The following SGSM2 variants were observed in gnomAD, a reference collection of about 807,000 sequenced individuals.
The protein encoded by SGSM2 is RUN and TBC1 domain containing 1.
SGSM2 carries 89 observed loss-of-function variants against 126.6 expected under a neutral mutation model. The ratio of observed to expected loss-of-function variants is 0.70; its 90% CI spans 0.59 to 0.84. The LOEUF (loss-of-function observed/expected upper bound fraction) is 0.84, where lower values mean the gene tolerates loss of function less well. Ranked by LOEUF, SGSM2 falls within the 40% of genes least tolerant of loss-of-function variation. The pLI is 0.00. For synonymous variants in SGSM2, 614 were observed against 574.3 expected, an observed-to-expected ratio of 1.07 and a Z score of -0.99; for missense variants, 1,404 against 1,416.6, an observed-to-expected ratio of 0.99 and a Z score of 0.14.
At chr17:2,340,874 A>G (rs140941338) in intron 1 of SGSM2, among the ~76,000 whole-genome samples, 3,051 of 152,204 alleles carry the variant, frequency 0.02, 46 homozygotes, top group Non-Finnish European at 0.03. Context: ...GTGAGCCACC[A>G]CGCCTGGCCC....
At position 2,362,055 on chromosome 17, in the gene SGSM2, T is replaced by C. The variant is rs2065332136; in HGVS notation, c.297-54T>C. On this transcript the variant is annotated intron_variant, in intron 3 of 23. Coordinates refer to ENST00000268989, the MANE Select transcript of SGSM2 (RefSeq NM_014853.3). The surrounding 1 kb of genome is among the most constrained non-coding windows in gnomAD (Gnocchi z 4.9). ...CAAGCCCCACTCCCAATGCCAGCAT[T>C]CTGGGGTTTACCCCTAGACCACTGC... is the stretch of plus-strand genomic sequence containing the variant. The C allele has an allele frequency of 6.4e-7, 1 of 1,561,466 alleles. No homozygotes were observed.
chr17:2,347,636 T>G (rs1296237598), intron 2 of SGSM2, among the ~76,000 whole-genome samples: 1 of 151,698 alleles, frequency 6.6e-6, no homozygotes, highest in Admixed American at 6.6e-5. Context: ...AAGGTGCTTT[T>G]GTTTTTTCTT....
rs1237290976 is a variant in SGSM2 at position 2,362,930 on chromosome 17, T to G, written c.526+25T>G. The G allele has an allele frequency of 1.2e-5, 19 of 1,614,104 alleles. No homozygotes were observed. Among genetic ancestry groups the G allele is most frequent in the Non-Finnish European group, 1.6e-5 (19 of 1,180,010 alleles). On this transcript the variant is annotated intron_variant, in intron 5 of 23. Transcript: ENST00000268989. The surrounding 1 kb of genome is among the most constrained non-coding windows in gnomAD (Gnocchi z 4.9). ...GGTGAGCCTGAGAGCACAGGCACAG[T>G]GGGTACGGGGCAGGTGCTGAGGGAG...
Position 2,338,774 on chromosome 17 carries a change from A to AATATATATATATATATATATATATATAT in SGSM2, c.57+1044_57+1045insTATATATATATATATATATATATATATA, listed in dbSNP as rs148031213. ...CCTTGAGTCTCTATGCCGTCTCCCTAATATATATATATATAACCTCACGCC... is the reference window on the plus strand; with the variant it reads ...CCTTGAGTCTCTATGCCGTCTCCCTAATATATATATATATATATATATATATATATATATATATATATAACCTCACGCC... On this transcript the variant is annotated intron_variant, in intron 1 of 23. Coordinates refer to ENST00000268989, the MANE Select transcript of SGSM2 (RefSeq NM_014853.3). Among the ~76,000 whole-genome samples the AATATATATATATATATATATATATATAT allele has an allele frequency of 2.9e-3, 392 of 133,762 alleles. 13 individuals carry two copies. The highest frequency in any genetic ancestry group is 7.8e-3 in the East Asian group (21 of 2,692). The allele number at this position is 133,762 out of a possible 152,430, so 87.8% of individuals were successfully genotyped here. A position where few individuals can be genotyped will look rare whatever the true frequency, so the allele number is the denominator to read the frequency against.
Position 2,364,139 on chromosome 17 carries a change from C to T in SGSM2, c.888C>T (p.Asn296=), listed in dbSNP as rs141515063. 2.5e-6 allele frequency: 4 copies of T among 1,613,982 alleles called. No homozygotes were observed. Among genetic ancestry groups the T allele is most frequent in the East Asian group, 4.5e-5 (2 of 44,876 alleles). ...AESLTLKWTP[N]QLMNGTLGDS... ...GCCTGACTCTGAAGTGGACCCCCAA[C>T]CAGCTCATGAATGGGACTCTGGGGG... The change falls in exon 8 of 24, where the codon AAC becomes AAT. Residue 296 remains asparagine, a synonymous_variant. Coordinates refer to ENST00000268989, the MANE Select transcript of SGSM2 (RefSeq NM_014853.3).
At position 2,373,311 on chromosome 17, in the gene SGSM2, G is replaced by A. The variant is rs762234489; in HGVS notation, c.1918-20G>A. 1.1e-5 allele frequency: 17 copies of A among 1,604,012 alleles called. No individual in the cohort carries two copies. In the East Asian group the frequency reaches 1.3e-4, roughly 13 times the overall value. On this transcript the variant is annotated intron_variant, in intron 16 of 23. Transcript: ENST00000268989. ...CCTGGTGCACGCTTCCCCCATGGTC[G>A]TGGTGTGGTCTGAGTACAGGTGGAC...
chr17:2,344,833 C>T (rs1249309016), intron 2 of SGSM2, among the ~76,000 whole-genome samples: 1 of 152,186 alleles, frequency 6.6e-6, no homozygotes, highest in Non-Finnish European at 1.5e-5. Context: ...TTCTCTCACC[C>T]TCAGTTTGCT....
At position 2,363,460 on chromosome 17, in the gene SGSM2, C is replaced by T. The variant is rs1296181200; in HGVS notation, c.673-5C>T. The T allele has an allele frequency of 6.2e-7, 1 of 1,613,176 alleles. No individual in the cohort carries two copies. The highest frequency in any genetic ancestry group is 8.5e-7 in the Non-Finnish European group (1 of 1,180,012). ...CTGGAGGCTGAGCCCCGGCCTTCCA[C>T]ACAGATCCGGAAACGGCACTCAAGC... On this transcript the variant is annotated splice_region_variant and splice_polypyrimidine_tract_variant and intron_variant, in intron 6 of 23. Transcript: ENST00000268989. This position sits in a 1 kb window ranked among gnomAD's most constrained non-coding sequence, Gnocchi z 4.2.
At chr17:2,361,117 T>G (rs1348865219) in intron 2 of SGSM2, among the ~76,000 whole-genome samples, 1 of 152,200 alleles carries the variant, frequency 6.6e-6, no homozygotes, top group East Asian at 1.9e-4. Context: ...GAAGCCCTCC[T>G]AGCATGGAAA....
Position 2,363,939 on chromosome 17 carries a change from G to C in SGSM2, c.808-120G>C. 7.9e-7 allele frequency: 1 copy of C among 1,261,334 alleles called. No individual in the cohort carries two copies. The highest frequency in any genetic ancestry group is 1.1e-6 in the Non-Finnish European group (1 of 883,302). 78.1% of individuals were successfully genotyped at this position (1,261,334 alleles called of 1,614,324 possible). A position where few individuals can be genotyped will look rare whatever the true frequency, so the allele number is the denominator to read the frequency against. ...GTGCTTCTGCCCCGTCCCTAGTCCA[G>C]GACCCCGTGACTAGCCTAGCTTGGC... is the stretch of plus-strand genomic sequence containing the variant. On this transcript the variant is annotated intron_variant, in intron 7 of 23. Coordinates refer to ENST00000268989, the MANE Select transcript of SGSM2 (RefSeq NM_014853.3). This position sits in a 1 kb window ranked among gnomAD's most constrained non-coding sequence, Gnocchi z 4.2.
At position 2,367,486 on chromosome 17, in the gene SGSM2, G is replaced by T; in HGVS notation, c.1423+81G>T. ...CGCCTGCCACCCACCACAGGGGTTC[G>T]AACGGCAGTGTTGGCATTAGGGGAC... is the stretch of plus-strand genomic sequence containing the variant. On this transcript the variant is annotated intron_variant, in intron 12 of 23. Coordinates refer to ENST00000268989, the MANE Select transcript of SGSM2 (RefSeq NM_014853.3). This position sits in a 1 kb window ranked among gnomAD's most constrained non-coding sequence, Gnocchi z 4.0. The T allele has an allele frequency of 1.3e-6, 2 of 1,486,196 alleles. No homozygotes were observed. Among genetic ancestry groups the T allele is most frequent in the East Asian group, 2.3e-5 (1 of 42,808 alleles). The allele number at this position is 1,486,196 out of a possible 1,614,324, so 92.1% of individuals were successfully genotyped here.
chr17:2,380,596 C>T lies in SGSM2; in HGVS notation c.*1076C>T, dbSNP rs1049896380. On this transcript the variant is annotated 3_prime_UTR_variant, in exon 24 of 24. Coordinates refer to ENST00000268989, the MANE Select transcript of SGSM2 (RefSeq NM_014853.3). ...AACCCCCTTGGAGGAGCTGTGTATG[C>T]GGGGGTGCCAGGAAGGGCATAGCTC... is the stretch of plus-strand genomic sequence containing the variant. 28 of 487,732 alleles carry T rather than the reference C, an allele frequency of 5.7e-5. 1 individual carries two copies. The highest frequency in any genetic ancestry group is 2.7e-4 in the African/African-American group (14 of 51,122). 30.2% of individuals were successfully genotyped at this position (487,732 alleles called of 1,614,324 possible). A position where few individuals can be genotyped will look rare whatever the true frequency, so the allele number is the denominator to read the frequency against.
chr17:2,352,871 G>A (rs1325147811), intron 2 of SGSM2, among the ~76,000 whole-genome samples: 2 of 126,952 alleles, frequency 1.6e-5, no homozygotes, highest in African/African-American at 3.2e-5. Flanking sequence ...TCTGCCTCCC[G>A]GGTTCACGCC....
At chr17:2,345,870 G>T (rs1178593315) in intron 2 of SGSM2, among the ~76,000 whole-genome samples, 1 of 152,126 alleles carries the variant, frequency 6.6e-6, no homozygotes, top group South Asian at 2.1e-4. Flanking sequence ...CCCAATTTGG[G>T]CTGAAACTGA....
chr17:2,363,751 C>A lies in SGSM2; in HGVS notation c.807+152C>A. On this transcript the variant is annotated intron_variant, in intron 7 of 23. Transcript: ENST00000268989. The surrounding 1 kb of genome is among the most constrained non-coding windows in gnomAD (Gnocchi z 4.2). ...TCCCAACTCCCTGTTTCACACGACT[C>A]ACGCCCAGCCTTTAGTTGGCAGGGG... is the stretch of plus-strand genomic sequence containing the variant. 1 of 1,186,326 alleles carries A rather than the reference C, an allele frequency of 8.4e-7. No individual in the cohort carries two copies. The highest frequency in any genetic ancestry group is 1.2e-6 in the Non-Finnish European group (1 of 857,402). 73.5% of individuals were successfully genotyped at this position (1,186,326 alleles called of 1,614,324 possible).
In SGSM2 at chr17:2,379,104, C is replaced by T. The variant is rs754311765; in HGVS notation, c.2968C>T (p.His990Tyr). 8 of 1,614,242 alleles carry T rather than the reference C, an allele frequency of 5.0e-6. No homozygotes were observed. The highest frequency in any genetic ancestry group is 8.5e-7 in the Non-Finnish European group (1 of 1,180,036). The change falls in exon 23 of 24, where the codon CAC (histidine) becomes TAC (tyrosine). Residue 990 changes from histidine (H) to tyrosine (Y), a missense_variant. Transcript: ENST00000268989. ...GGCAGCCAGGCACATCTCATCGGAG[C>T]ACTTTGTCCTGTTCATCGCCCTCGC... The part of the protein sequence containing the change: ...IWAARHISSE[H>Y]FVLFIALALV...
rs772851720 is a variant in SGSM2 at position 2,362,905 on chromosome 17, G to A, written c.526G>A (p.Val176Met). Residue 176 changes from valine (V) to methionine (M), a missense_variant and splice_region_variant, in exon 5 of 24, where the codon GTG becomes ATG. Transcript: ENST00000268989. This position sits in a 1 kb window ranked among gnomAD's most constrained non-coding sequence, Gnocchi z 4.9. The part of the protein sequence containing the change: ...VFGPILASLL[V>M]GPCALEYTKL... ...CGGCCCGATCCTGGCCTCTCTTCTA[G>A]GTGAGCCTGAGAGCACAGGCACAGT... 1.2e-6 allele frequency: 2 copies of A among 1,614,196 alleles called. No individual in the cohort carries two copies. Among genetic ancestry groups the A allele is most frequent in the Non-Finnish European group, 1.7e-6 (2 of 1,180,046 alleles).
chr17:2,341,197 C>T (rs1260525491), intron 1 of SGSM2, among the ~76,000 whole-genome samples: 1 of 152,010 alleles, frequency 6.6e-6, no homozygotes, highest in African/African-American at 2.4e-5. Context: ...CAGCTCACTG[C>T]AACCTCTGCC....
At chr17:2,371,526 G>C (rs1028448698) in intron 13 of SGSM2, 111 bp downstream of exon 13, 9 of 1,323,764 alleles carry the variant, frequency 6.8e-6, no homozygotes, top group Non-Finnish European at 9.2e-6. Flanking sequence ...CTCTAGAGTG[G>C]GACAGATCTG....
Sources: gnomAD v4.1 joint callset for allele counts (sites outside exome capture counted in the v4.1 genomes callset) on GRCh38, gnomAD v4.1.1 for gene constraint, Gnocchi (gnomAD v3.1) non-coding constraint, MANE v1.5 for transcripts, NCBI Gene and HGNC (gene_info 2026-07-23, HGNC 2026-07-21) for gene names.